The following MAP6 variants were observed in gnomAD, a reference collection of about 807,000 sequenced individuals.
MAP6 encodes the protein microtubule associated protein 6.
A neutral mutation model predicts 42.4 loss-of-function variants in MAP6; 26 were observed. That is an observed-to-expected ratio of 0.61 (90% CI 0.45 to 0.85). The LOEUF is 0.85. Among genes scored for constraint, MAP6 ranks in the 40% least tolerant of loss-of-function variants. The probability of loss-of-function intolerance (pLI) is 0.00; values close to 1 mark genes in which losing one functional copy is unlikely to be tolerated. For missense variants in MAP6, 966 were observed against 1,099.0 expected, an observed-to-expected ratio of 0.88 and a Z score of 1.71; for synonymous variants, 418 against 443.8, an observed-to-expected ratio of 0.94 and a Z score of 0.73.
chr11:75,645,163 C>T (rs918490998), intron 1 of MAP6, among the ~76,000 whole-genome samples: 1 of 152,116 alleles, frequency 6.6e-6, no homozygotes, highest in African/African-American at 2.4e-5. Context: ...GCCGAGAGGA[C>T]ACTTTGGACC....
At chr11:75,653,229 A>C (rs183086232) in intron 1 of MAP6, among the ~76,000 whole-genome samples, 168 of 152,322 alleles carry the variant, frequency 1.1e-3, no homozygotes, top group African/African-American at 3.7e-3. Flanking sequence ...GAAAGGGATA[A>C]AAGGACAAGG....
chr11:75,668,559 AGAGTCCCTC>A lies in MAP6; in HGVS notation c.-199_-191del. On this transcript the variant is annotated 5_prime_UTR_variant, in exon 1 of 4. Coordinates refer to ENST00000304771, the MANE Select transcript of MAP6 (RefSeq NM_033063.2). The stretch of plus-strand genomic sequence containing the variant: ...GGAGAGCTGTCCTAGGAGAGTCTGT[AGAGTCCCTC>A]GATTACCGGTCGCAAACGCCTTTGG... The A allele has an allele frequency of 1.4e-6, 1 of 708,706 alleles. No individual in the cohort carries two copies. The highest frequency in any genetic ancestry group is 2.0e-6 in the Non-Finnish European group (1 of 511,570). The allele number at this position is 708,706 out of a possible 1,614,324, so 43.9% of individuals were successfully genotyped here.
At chr11:75,659,411 G>C (rs1943805402) in intron 1 of MAP6, among the ~76,000 whole-genome samples, 1 of 152,206 alleles carries the variant, frequency 6.6e-6, no homozygotes, top group African/African-American at 2.4e-5. Flanking sequence ...GAACCCGGGA[G>C]GCAGAGGTTG....
chr11:75,622,762 T>C (rs1162055426), intron 1 of MAP6, among the ~76,000 whole-genome samples: 1 of 152,238 alleles, frequency 6.6e-6, no homozygotes, highest in Non-Finnish European at 1.5e-5. Context: ...GTCAGTGTGT[T>C]ACTCACATAA....
chr11:75,630,219 T>A (rs1183063742), intron 1 of MAP6, among the ~76,000 whole-genome samples: 2 of 152,230 alleles, frequency 1.3e-5, no homozygotes, highest in Non-Finnish European at 1.5e-5. Flanking sequence ...ACTCCTCCCA[T>A]CTTCACTGGT....
intron 1 of MAP6, among the ~76,000 whole-genome samples, chr11:75,665,055 T>G (rs1943922656): frequency 6.6e-6 from 1 of 152,222 alleles, no homozygotes; most frequent in African/African-American, 2.4e-5. Context: ...TATAATTAAA[T>G]TTTACAAAAG....
At chr11:75,645,741 A>C (rs1349028288) in intron 1 of MAP6, among the ~76,000 whole-genome samples, 1 of 152,200 alleles carries the variant, frequency 6.6e-6, no homozygotes, top group Non-Finnish European at 1.5e-5. Flanking sequence ...TATTTGAAAA[A>C]TCAAACAGAA....
chr11:75,656,245 G>A (rs753832042), intron 1 of MAP6, among the ~76,000 whole-genome samples: 12 of 152,168 alleles, frequency 7.9e-5, no homozygotes, highest in East Asian at 3.8e-4. Context: ...AGTGGAGGAC[G>A]CATTGTTTCA....
At chr11:75,604,366 G>C (rs2135584283) in intron 3 of MAP6, 2 of 985,428 alleles carry the variant, frequency 2.0e-6, no homozygotes, top group South Asian at 4.7e-5. Flanking sequence ...AGGACCTAAA[G>C]GGACTTTGAG....
rs1039350748 is a variant in MAP6, at chr11:75,627,498, T to C, written c.906-19176A>G. Among the ~76,000 whole-genome samples, 7 of 152,314 alleles carry C rather than the reference T, an allele frequency of 4.6e-5. No homozygotes were observed. The Middle Eastern group carries it at 0.014, about 296-fold the overall frequency. ...TATGTGTCTTTGTGTGTGTGTGCTC[T>C]GGCCAAACAGTAGGAGGAGGGAGGG... On this transcript the variant is annotated intron_variant, in intron 1 of 3. Coordinates refer to ENST00000304771, the MANE Select transcript of MAP6 (RefSeq NM_033063.2).
intron 1 of MAP6, among the ~76,000 whole-genome samples, chr11:75,662,567 T>G (rs1943871168): frequency 6.6e-6 from 1 of 152,206 alleles, no homozygotes; most frequent in African/African-American, 2.4e-5. Flanking sequence ...AATTAGATAC[T>G]TAGGCTCCAT....
chr11:75,660,079 C>T (rs1054729987), intron 1 of MAP6, among the ~76,000 whole-genome samples: 18 of 152,270 alleles, frequency 1.2e-4, no homozygotes, highest in African/African-American at 3.9e-4. Flanking sequence ...TATGAGGTTT[C>T]CATGACAAGT....
chr11:75,616,501 C>T (rs1321107385), intron 1 of MAP6, among the ~76,000 whole-genome samples: 1 of 152,202 alleles, frequency 6.6e-6, no homozygotes, highest in Admixed American at 6.5e-5. Context: ...GAAGGGAAAC[C>T]ATCTCCTTCG....
chr11:75,664,877 T>A (rs1298298006), intron 1 of MAP6, among the ~76,000 whole-genome samples: 3 of 152,014 alleles, frequency 2.0e-5, no homozygotes, highest in Non-Finnish European at 4.4e-5. Flanking sequence ...TTTGTTAATT[T>A]TTATTCTGGA....
At chr11:75,599,716 C>G (rs567868196) in intron 3 of MAP6, among the ~76,000 whole-genome samples, 2 of 152,184 alleles carry the variant, frequency 1.3e-5, no homozygotes, top group South Asian at 4.1e-4. Flanking sequence ...GGGGGTCCCA[C>G]TTGTCTGAAA....
At chr11:75,627,243 G>A (rs1446871651) in intron 1 of MAP6, among the ~76,000 whole-genome samples, 1 of 152,244 alleles carries the variant, frequency 6.6e-6, no homozygotes, top group African/African-American at 2.4e-5. Flanking sequence ...GGAACTCTGT[G>A]CCATTTGGAG....
chr11:75,648,523 A>G (rs1943598340), intron 1 of MAP6, among the ~76,000 whole-genome samples: 1 of 152,154 alleles, frequency 6.6e-6, no homozygotes, highest in Non-Finnish European at 1.5e-5. Context: ...ACAAACAAAC[A>G]AACAGAAAAT....
At chr11:75,639,643 G>C (rs1943430234) in intron 1 of MAP6, among the ~76,000 whole-genome samples, 1 of 152,166 alleles carries the variant, frequency 6.6e-6, no homozygotes, top group South Asian at 2.1e-4. Context: ...TTTTTGTAAA[G>C]AAGAATCCAG....
intron 3 of MAP6, among the ~76,000 whole-genome samples, chr11:75,590,112 C>G (rs771698928): frequency 3.9e-5 from 6 of 152,138 alleles, no homozygotes; most frequent in Non-Finnish European, 8.8e-5. Flanking sequence ...AGAAGAGAGC[C>G]AGGCAAGGCT....
Sources: allele counts gnomAD v4.1 joint callset (sites outside exome capture counted in the v4.1 genomes callset), GRCh38; gene constraint gnomAD v4.1.1; transcripts MANE v1.5; gene names NCBI Gene and HGNC (gene_info 2026-07-23, HGNC 2026-07-21).